Variants in ANO3 observed in about 807,000 individuals in gnomAD.
ANO3 encodes the protein anoctamin-3.
Under a neutral mutation model 144.8 loss-of-function variants are expected in ANO3, and 99 were observed. The ratio of observed to expected loss-of-function variants is 0.68; its 90% CI spans 0.58 to 0.81. The LOEUF (loss-of-function observed/expected upper bound fraction) is 0.81, where lower values mean the gene tolerates loss of function less well. Ranked by LOEUF, ANO3 falls within the 30% of genes least tolerant of loss-of-function variation. ANO3 has a pLI of 0.00. For synonymous variants in ANO3, 414 were observed against 392.6 expected, an observed-to-expected ratio of 1.05 and a Z score of -0.64; for missense variants, 905 against 1,202.2, an observed-to-expected ratio of 0.75 and a Z score of 3.66.
At chr11:26,621,827 T>C (rs1852424529) in intron 17 of ANO3, among the ~76,000 whole-genome samples, 1 of 152,162 alleles carries the variant, frequency 6.6e-6, no homozygotes, top group South Asian at 2.1e-4. Flanking sequence ...CAGTGGCTGA[T>C]TTTTTAAAGT....
intron 1 of ANO3, among the ~76,000 whole-genome samples, chr11:26,421,205 C>T (rs117124634): frequency 0.024 from 3,653 of 151,932 alleles, 61 homozygotes; most frequent in Middle Eastern, 0.048. Context: ...TTTGTAGGCA[C>T]GAAATACATA....
At chr11:26,559,872 A>ACACC (rs1554969861) in intron 14 of ANO3, 93 bp downstream of exon 14, 15 of 803,456 alleles carry the variant, frequency 1.9e-5, no homozygotes, top group Admixed American at 8.0e-5. Flanking sequence ...ACACACACAC[A>ACACC]CACCATGAAT....
At chr11:26,274,846 T>C (rs1395482057) in intron 1 of ANO3, among the ~76,000 whole-genome samples, 1 of 152,036 alleles carries the variant, frequency 6.6e-6, no homozygotes, top group Non-Finnish European at 1.5e-5. Context: ...TCTTCAACTA[T>C]CAATTTATCT....
At chr11:26,359,543 T>C (rs1855868942) in intron 1 of ANO3, among the ~76,000 whole-genome samples, 1 of 152,156 alleles carries the variant, frequency 6.6e-6, no homozygotes, top group South Asian at 2.1e-4. Flanking sequence ...CTTGCAGATC[T>C]CTAGAGTTCT....
chr11:26,463,548 T>C lies in ANO3; in HGVS notation c.432+400T>C, dbSNP rs897872726. Among the ~76,000 whole-genome samples, 8 of 149,974 alleles carry C rather than the reference T, an allele frequency of 5.3e-5. No homozygotes were observed. In the East Asian group the frequency reaches 9.7e-4, roughly 18 times the overall value. On this transcript the variant is annotated intron_variant, in intron 4 of 26. Transcript: ENST00000256737. ...CTAATTAAACTCACTGAGAATTGTT[T>C]TTCTCATTTGAAATATGCTTCTGGT... is the stretch of plus-strand genomic sequence containing the variant.
chr11:26,659,049 C>A (rs2133103180), intron 26 of ANO3, among the ~76,000 whole-genome samples: 1 of 151,764 alleles, frequency 6.6e-6, no homozygotes, highest in African/African-American at 2.4e-5. Flanking sequence ...TTAAGCAGGG[C>A]TCACACTATG....
chr11:26,267,024 A>G (rs188658367), intron 1 of ANO3, among the ~76,000 whole-genome samples: 2,976 of 151,466 alleles, frequency 0.02, 61 homozygotes, highest in East Asian at 0.12. Flanking sequence ...CCCTGGAGGC[A>G]GAGCTTGCAG....
intron 1 of ANO3, among the ~76,000 whole-genome samples, chr11:26,428,267 A>T (rs1857977678): frequency 6.6e-6 from 1 of 152,292 alleles, no homozygotes; most frequent in African/African-American, 2.4e-5. Flanking sequence ...ACTTCCCAAA[A>T]ATTAAAGAAA....
At chr11:26,439,552 G>T (rs532389277) in intron 1 of ANO3, among the ~76,000 whole-genome samples, 4 of 152,304 alleles carry the variant, frequency 2.6e-5, no homozygotes, top group Admixed American at 2.6e-4. Flanking sequence ...AGTGATGTTT[G>T]CACGACTCTG....
rs77404758 is a variant in ANO3, at chr11:26,652,415, A to G, written c.2577-3710A>G. On this transcript the variant is annotated intron_variant, in intron 24 of 26. Transcript: ENST00000256737. ...CAGACGTCTATTATCACATCTTCCT[A>G]CCTACAGTATGTGTCCCATGTAGCC... Among the ~76,000 whole-genome samples, 960 of 152,068 alleles carry G rather than the reference A, an allele frequency of 6.3e-3. 16 individuals carry two copies. The highest frequency in any genetic ancestry group is 0.022 in the African/African-American group (914 of 41,458).
chr11:26,567,000 A>G (rs1590553607), intron 14 of ANO3: 14 of 1,368,760 alleles, frequency 1.0e-5, no homozygotes, highest in South Asian at 1.7e-5. Context: ...TAATATATCT[A>G]TAGTGTCTTT....
At chr11:26,460,001 G>A (rs1859324340) in intron 3 of ANO3, 1 of 373,750 alleles carries the variant, frequency 2.7e-6, no homozygotes, top group Non-Finnish European at 5.3e-6. Context: ...AAAACATGTT[G>A]ATGGATGCGC....
chr11:26,505,700 C>T (rs866073496), intron 4 of ANO3, among the ~76,000 whole-genome samples: 1 of 152,052 alleles, frequency 6.6e-6, no homozygotes, highest in African/African-American at 2.4e-5. Context: ...TGGCCGGGCG[C>T]AGTGGCTCAC....
chr11:26,621,930 G>A (rs754814597), intron 17 of ANO3, among the ~76,000 whole-genome samples: 5 of 152,022 alleles, frequency 3.3e-5, no homozygotes, highest in African/African-American at 7.3e-5. Flanking sequence ...CAACAAGCAC[G>A]TACTCATTCC....
At chr11:26,542,195 T>G (rs1849664576) in intron 11 of ANO3, 127 bp downstream of exon 11, 1 of 1,040,386 alleles carries the variant, frequency 9.6e-7, no homozygotes, top group East Asian at 2.9e-5. Flanking sequence ...CTATAAGATT[T>G]TTCAGTAAAA....
rs892765354 is a variant in ANO3 at position 26,537,273 on chromosome 11, A to T, written c.977-133A>T. On this transcript the variant is annotated intron_variant, in intron 9 of 26. Coordinates refer to ENST00000256737, the MANE Select transcript of ANO3 (RefSeq NM_031418.4). ...CACAATCTCACTGTCCTCATAGGTG[A>T]TGTGGCTATGGAAGTCATTTGGGTT... 3 of 696,916 alleles carry T rather than the reference A, an allele frequency of 4.3e-6. No homozygotes were observed. The African/African-American group carries it at 5.3e-5, about 12-fold the overall frequency. The allele number at this position is 696,916 out of a possible 1,614,324, so 43.2% of individuals were successfully genotyped here.
At position 26,453,291 on chromosome 11, in the gene ANO3, G is replaced by C. The variant is rs1484284006; in HGVS notation, c.313+9455G>C. On this transcript the variant is annotated intron_variant, in intron 3 of 26. Coordinates refer to ENST00000256737, the MANE Select transcript of ANO3 (RefSeq NM_031418.4). ...TTAAAAGACACAGACTGGCAAATTG[G>C]ATAAACAGTCAAGACCCATCAGTGT... Among the ~76,000 whole-genome samples the C allele has an allele frequency of 6.6e-5, 10 of 151,540 alleles. No individual in the cohort carries two copies. In the East Asian group the frequency reaches 1.2e-3, roughly 18 times the overall value.
intron 1 of ANO3, chr11:26,309,723 A>C (rs1447190196): frequency 1.0e-6 from 1 of 984,816 alleles, no homozygotes; most frequent in African/African-American, 1.7e-5. Context: ...AATGAAGGTG[A>C]GTCTTGGGGA....
At chr11:26,643,480 G>A in intron 23 of ANO3, 146 bp downstream of exon 23, 6 of 1,013,284 alleles carry the variant, frequency 5.9e-6, no homozygotes, top group Non-Finnish European at 8.4e-6. Flanking sequence ...AGCTGGCCGG[G>A]CGTGGTGGCT....
Sources: allele counts gnomAD v4.1 joint callset (sites outside exome capture counted in the v4.1 genomes callset), GRCh38; gene constraint gnomAD v4.1.1; transcripts MANE v1.5; gene names NCBI Gene and HGNC (gene_info 2026-07-23, HGNC 2026-07-21).